TENM2: variants seen among roughly 807,000 people sequenced by gnomAD.
The protein encoded by TENM2 is teneurin transmembrane protein 2.
TENM2 carries 52 observed loss-of-function variants against 245.2 expected under a neutral mutation model. The ratio of observed to expected loss-of-function variants is 0.21; its 90% CI spans 0.17 to 0.27. The LOEUF (loss-of-function observed/expected upper bound fraction) is 0.27, where lower values mean the gene tolerates loss of function less well. TENM2 is among the 10% of genes least tolerant of loss of function. TENM2 has a pLI of 1.00. For missense variants in TENM2, 3,046 were observed against 3,666.8 expected (o/e 0.83, Z 4.37); for synonymous variants, 1,363 against 1,438.9 (o/e 0.95, Z 1.19).
intron 2 of TENM2, among the ~76,000 whole-genome samples, chr5:167,715,428 G>C (rs1475470813): frequency 6.6e-6 from 1 of 152,166 alleles, no homozygotes; most frequent in African/African-American, 2.4e-5. Context: ...GGGCTATAGA[G>C]GCCATGACAA....
intron 2 of TENM2, among the ~76,000 whole-genome samples, chr5:167,426,389 C>A (rs536942250): frequency 3.9e-5 from 6 of 152,102 alleles, no homozygotes; most frequent in African/African-American, 9.6e-5. Flanking sequence ...GAGGCTACCC[C>A]TCTTGGGTTT....
At chr5:168,107,136 C>G (rs13154912) in intron 9 of TENM2, among the ~76,000 whole-genome samples, 1 of 152,174 alleles carries the variant, frequency 6.6e-6, no homozygotes, top group African/African-American at 2.4e-5. Flanking sequence ...CCGCCAGGCA[C>G]GTTCCATCAC....
At chr5:167,979,405 A>G (rs1015310155) in intron 4 of TENM2, among the ~76,000 whole-genome samples, 3 of 152,200 alleles carry the variant, frequency 2.0e-5, no homozygotes, top group African/African-American at 7.2e-5. Flanking sequence ...CAGAGAGGTG[A>G]CAGATAAGGA....
the TENM2 span, among the ~76,000 whole-genome samples, chr5:167,251,460 G>T: frequency 6.6e-6 from 1 of 152,086 alleles, no homozygotes; most frequent in Non-Finnish European, 1.5e-5. Context: ...ATATTTTAAT[G>T]TCTTACAGTG....
chr5:167,284,739 T>G, upstream of TENM2: 1 of 845,152 alleles, frequency 1.2e-6, no homozygotes, highest in Admixed American at 2.2e-5. Flanking sequence ...ATCACAGTCT[T>G]GGGTTTTTTC....
the TENM2 span, among the ~76,000 whole-genome samples, chr5:167,030,383 C>T: frequency 1.3e-5 from 2 of 152,192 alleles, no homozygotes; most frequent in Non-Finnish European, 2.9e-5. Flanking sequence ...GCCACAACAG[C>T]CCTGGGCTCA....
chr5:168,101,420 C>T (rs1050337521), intron 9 of TENM2, among the ~76,000 whole-genome samples: 4 of 152,098 alleles, frequency 2.6e-5, no homozygotes, highest in African/African-American at 9.7e-5. Flanking sequence ...CTAAGTACCC[C>T]GGCCGTTTAA....
the TENM2 span, among the ~76,000 whole-genome samples, chr5:167,099,466 C>A: frequency 1.6e-3 from 244 of 152,098 alleles, no homozygotes; most frequent in Non-Finnish European, 2.5e-3. Flanking sequence ...GAGGCCGAGG[C>A]GGGCGGATCG....
intron 2 of TENM2, among the ~76,000 whole-genome samples, chr5:167,431,751 A>T (rs1054951813): frequency 6.6e-6 from 1 of 151,706 alleles, no homozygotes; most frequent in Non-Finnish European, 1.5e-5. Context: ...CCTACCACCC[A>T]GTGTTTTTTA....
intron 2 of TENM2, among the ~76,000 whole-genome samples, chr5:167,720,961 C>A (rs1203394988): frequency 1.3e-5 from 2 of 152,212 alleles, no homozygotes; most frequent in South Asian, 2.1e-4. Context: ...AAGCTGCAGT[C>A]GTCTTTGCAG....
chr5:167,270,189 T>C, the TENM2 span, among the ~76,000 whole-genome samples: 2 of 152,156 alleles, frequency 1.3e-5, no homozygotes. Context: ...GTTTCTATGC[T>C]AAGAAAGTGC....
chr5:167,425,992 G>A (rs1368520399), intron 2 of TENM2, among the ~76,000 whole-genome samples: 1 of 151,996 alleles, frequency 6.6e-6, no homozygotes, highest in African/African-American at 2.4e-5. Flanking sequence ...TGTGAGTAAG[G>A]GTTTTTATGT....
chr5:167,320,559 G>A (rs950574554), intron 1 of TENM2, among the ~76,000 whole-genome samples: 1 of 97,526 alleles, frequency 1.0e-5, no homozygotes, highest in African/African-American at 3.8e-5. Context: ...AATTGCCATT[G>A]TAACAGTATA....
the TENM2 span, among the ~76,000 whole-genome samples, chr5:167,037,998 T>G: frequency 6.6e-6 from 1 of 152,216 alleles, no homozygotes; most frequent in Non-Finnish European, 1.5e-5. Context: ...GTGCTTTCTC[T>G]GCCCACTTTG....
chr5:168,066,503 T>G (rs1790519007), intron 7 of TENM2, among the ~76,000 whole-genome samples: 1 of 152,218 alleles, frequency 6.6e-6, no homozygotes, highest in Non-Finnish European at 1.5e-5. Flanking sequence ...CAAATTGTCC[T>G]GAAAATGTGT....
At chr5:168,177,823 C>G (rs1235615109) in intron 13 of TENM2, among the ~76,000 whole-genome samples, 1 of 152,192 alleles carries the variant, frequency 6.6e-6, no homozygotes, top group Non-Finnish European at 1.5e-5. Context: ...GGTAACAGCA[C>G]AAGACCTCAT....
chr5:167,872,544 GAAAGA>G (rs1773047310), intron 2 of TENM2, among the ~76,000 whole-genome samples: 1 of 48,810 alleles, frequency 2.0e-5, no homozygotes, highest in Non-Finnish European at 6.0e-5. Context: ...AAGAAAGAAA[GAAAGA>G]GAAAGAAAGA....
At chr5:168,142,293 C>T (rs888824470) in intron 12 of TENM2, among the ~76,000 whole-genome samples, 1 of 152,142 alleles carries the variant, frequency 6.6e-6, no homozygotes, top group Non-Finnish European at 1.5e-5. Flanking sequence ...TAAGTGTAGC[C>T]GGCTGGACCA....
chr5:167,116,614 G>A, the TENM2 span: 5 of 151,958 alleles, frequency 3.3e-5, no homozygotes, highest in Admixed American at 6.6e-5. Context: ...AGCCTGGCTC[G>A]GGATATCCTG....
Sources: gnomAD v4.1 joint callset for allele counts (sites outside exome capture counted in the v4.1 genomes callset) on GRCh38, gnomAD v4.1.1 for gene constraint, MANE v1.5 for transcripts, NCBI Gene and HGNC (gene_info 2026-07-23, HGNC 2026-07-21) for gene names.